DPP6: variants seen among roughly 807,000 people sequenced by gnomAD.
DPP6 encodes the protein A-type potassium channel modulatory protein DPP6.
A neutral mutation model predicts 122.6 loss-of-function variants in DPP6; 69 were observed. The observed-to-expected ratio is 0.56, with a 90% confidence interval of 0.46 to 0.69. DPP6 has a LOEUF of 0.69. Ranked by LOEUF, DPP6 falls within the 30% of genes least tolerant of loss-of-function variation. The probability of loss-of-function intolerance (pLI) is 0.00; values close to 1 mark genes in which losing one functional copy is unlikely to be tolerated. For missense variants in DPP6, 928 were observed against 1,116.9 expected, an observed-to-expected ratio of 0.83 and a Z score of 2.41; for synonymous variants, 418 against 433.1, an observed-to-expected ratio of 0.97 and a Z score of 0.43.
At chr7:153,999,775 A>G (rs544325837) in intron 1 of DPP6, among the ~76,000 whole-genome samples, 44 of 152,330 alleles carry the variant, frequency 2.9e-4, no homozygotes, top group Non-Finnish European at 5.3e-4. Context: ...CCTGGGCAAC[A>G]TGGTGAGATG....
chr7:154,712,575 C>T (rs954492681), intron 7 of DPP6, among the ~76,000 whole-genome samples: 6 of 152,094 alleles, frequency 3.9e-5, no homozygotes, highest in Non-Finnish European at 7.4e-5. Context: ...CCTCAAGAAA[C>T]TTACAATCAT....
intron 5 of DPP6, among the ~76,000 whole-genome samples, chr7:154,610,930 T>C (rs28548628): frequency 0.4 from 61,174 of 151,782 alleles, 13,280 homozygotes; most frequent in East Asian, 0.65. Flanking sequence ...CTCTCACCTT[T>C]GTAAGACATT....
rs530378711 is a variant in DPP6 at position 154,241,338 on chromosome 7, C to T, written c.243+188275C>T. The stretch of plus-strand genomic sequence containing the variant: ...TAAAATGTACTAAATAGGAGAGTAC[C>T]TTCCTGTGTTTCCCTGTTTTATCCA... On this transcript the variant is annotated intron_variant, in intron 1 of 25. Coordinates refer to ENST00000377770, the MANE Select transcript of DPP6 (RefSeq NM_130797.4). This position sits in a 1 kb window ranked among gnomAD's most constrained non-coding sequence, Gnocchi z 9.0. 1.3e-5 allele frequency among the ~76,000 whole-genome samples: 2 copies of T among 152,042 alleles called. No homozygotes were observed. Among genetic ancestry groups the T allele is most frequent in the South Asian group, 4.2e-4 (2 of 4,810 alleles).
chr7:154,680,445 A>G (rs7793584), intron 7 of DPP6, among the ~76,000 whole-genome samples: 24,533 of 152,160 alleles, frequency 0.16, 2,106 homozygotes, highest in East Asian at 0.34. Flanking sequence ...TAAATCATGG[A>G]GTATCCATAG....
intron 16 of DPP6, among the ~76,000 whole-genome samples, chr7:154,844,667 C>T (rs1168491034): frequency 1.3e-5 from 2 of 152,130 alleles, no homozygotes; most frequent in East Asian, 1.9e-4. Flanking sequence ...CCAGAGAAAC[C>T]GGATGCGAAG....
chr7:154,709,210 T>A (rs1475577502), intron 7 of DPP6, among the ~76,000 whole-genome samples: 1 of 152,172 alleles, frequency 6.6e-6, no homozygotes, highest in Non-Finnish European at 1.5e-5. Context: ...TTTGTGTATG[T>A]TTTGTAGAGA....
chr7:154,168,872 A>C (rs1407643496), intron 1 of DPP6, among the ~76,000 whole-genome samples: 1 of 152,244 alleles, frequency 6.6e-6, no homozygotes, highest in South Asian at 2.1e-4. Context: ...TGAAATATGT[A>C]TTATCGTCTC....
At position 154,688,667 on chromosome 7, in the gene DPP6, G is replaced by A. The variant is rs1839766950; in HGVS notation, c.762+19226G>A. ...GGAGGGCAGGAAGAGGCCAGCACTG[G>A]AGAAAGATGTAAGCTTGGAGGTTTG... On this transcript the variant is annotated intron_variant, in intron 7 of 25. Coordinates refer to ENST00000377770, the MANE Select transcript of DPP6 (RefSeq NM_130797.4). 2.6e-5 allele frequency among the ~76,000 whole-genome samples: 4 copies of A among 152,146 alleles called. No homozygotes were observed. In the South Asian group the frequency reaches 8.3e-4, roughly 32 times the overall value.
chr7:154,099,243 C>T (rs899529446), intron 1 of DPP6, among the ~76,000 whole-genome samples: 19 of 152,180 alleles, frequency 1.2e-4, no homozygotes, highest in African/African-American at 4.6e-4. Flanking sequence ...TGAAGACTTT[C>T]CTAATAATCC....
At chr7:154,259,732 C>T (rs1000764536) in intron 1 of DPP6, among the ~76,000 whole-genome samples, 4 of 152,194 alleles carry the variant, frequency 2.6e-5, no homozygotes, top group Non-Finnish European at 5.9e-5. Context: ...GAATTGCTGT[C>T]ATCGTTCTGT....
intron 6 of DPP6, among the ~76,000 whole-genome samples, chr7:154,642,940 C>G (rs1362943699): frequency 6.6e-6 from 1 of 152,120 alleles, no homozygotes; most frequent in Non-Finnish European, 1.5e-5. Flanking sequence ...GCAAAACACC[C>G]AGCAAAGAAT....
intron 1 of DPP6, among the ~76,000 whole-genome samples, chr7:154,105,678 A>G (rs900106517): frequency 5.3e-5 from 8 of 152,124 alleles, no homozygotes; most frequent in African/African-American, 1.9e-4. Context: ...GAGAATGAAT[A>G]GGGCTTACAA....
At chr7:153,753,173 T>C in the DPP6 span, among the ~76,000 whole-genome samples, 3 of 150,984 alleles carry the variant, frequency 2.0e-5, no homozygotes, top group African/African-American at 7.3e-5. Context: ...TGATTTTCCA[T>C]GTTTGGTGAC....
chr7:154,738,633 T>C (rs1260964359), intron 8 of DPP6, among the ~76,000 whole-genome samples: 6 of 152,228 alleles, frequency 3.9e-5, no homozygotes, highest in African/African-American at 9.6e-5. Context: ...AATATTCTGC[T>C]TTTGGAATAT....
rs73483851 is a variant in DPP6, at chr7:154,561,082, A to C, written c.553-5760A>C. On this transcript the variant is annotated intron_variant, in intron 4 of 25. Coordinates refer to ENST00000377770, the MANE Select transcript of DPP6 (RefSeq NM_130797.4). ...AAGAATCCTAAAGATGTATGCAGCT[A>C]GCATTGAGCTACAATATTTGAAGCA... 8.9e-3 allele frequency among the ~76,000 whole-genome samples: 1,352 copies of C among 152,318 alleles called. 19 individuals are homozygous for C. The highest frequency in any genetic ancestry group is 0.029 in the African/African-American group (1,215 of 41,562).
the DPP6 span, among the ~76,000 whole-genome samples, chr7:153,840,451 T>G: frequency 6.6e-6 from 1 of 152,034 alleles, no homozygotes; most frequent in African/African-American, 2.4e-5. Context: ...TGAATTCTGG[T>G]GTTAAATAGG....
At chr7:154,190,713 T>C (rs1170970896) in intron 1 of DPP6, among the ~76,000 whole-genome samples, 1 of 151,990 alleles carries the variant, frequency 6.6e-6, no homozygotes, top group Non-Finnish European at 1.5e-5. Flanking sequence ...CTAGGATAAA[T>C]AGAGTCCATT....
chr7:154,845,266 G>T (rs180888204), intron 16 of DPP6, among the ~76,000 whole-genome samples: 1 of 152,206 alleles, frequency 6.6e-6, no homozygotes, highest in Non-Finnish European at 1.5e-5. Context: ...GTCTGTGTGA[G>T]ATGGGGTTGG....
At chr7:154,710,768 T>TA (rs1841128489) in intron 7 of DPP6, among the ~76,000 whole-genome samples, 1 of 152,192 alleles carries the variant, frequency 6.6e-6, no homozygotes. Context: ...TTTGTGTGTG[T>TA]AGAGTGTTCC....
Sources: gnomAD v4.1 joint callset for allele counts (sites outside exome capture counted in the v4.1 genomes callset) on GRCh38, gnomAD v4.1.1 for gene constraint, Gnocchi (gnomAD v3.1) non-coding constraint, MANE v1.5 for transcripts, NCBI Gene and HGNC (gene_info 2026-07-23, HGNC 2026-07-21) for gene names.